Variants in XDH observed in about 807,000 individuals in gnomAD.
XDH encodes xanthine dehydrogenase, also known as xanthine dehydrogenase/oxidase.
Under a neutral mutation model 156.1 loss-of-function variants are expected in XDH, and 138 were observed. The ratio of observed to expected loss-of-function variants is 0.88; its 90% CI spans 0.77 to 1.02. The LOEUF is 1.02. Among genes scored for constraint, XDH ranks in the 50% least tolerant of loss-of-function variants. The pLI, the probability that XDH is intolerant of heterozygous loss-of-function variation, is 0.00. For missense variants in XDH, 1,849 were observed against 1,684.9 expected (o/e 1.10, Z -1.71); for synonymous variants, 669 against 625.7 (o/e 1.07, Z -1.03).
intron 3 of XDH, among the ~76,000 whole-genome samples, chr2:31,401,629 C>T (rs762035028): frequency 6.6e-6 from 1 of 152,240 alleles, no homozygotes; most frequent in African/African-American, 2.4e-5. Flanking sequence ...TCACCTCTTA[C>T]TCAGCCTGAC....
chr2:31,377,190 G>A lies in XDH; in HGVS notation c.1290C>T (p.Asp430=), dbSNP rs566687319. The A allele has an allele frequency of 6.2e-7, 1 of 1,614,014 alleles. No individual in the cohort carries two copies. The highest frequency in any genetic ancestry group is 8.5e-7 in the Non-Finnish European group (1 of 1,180,034). The part of the protein sequence containing the change: ...AFKQASRRED[D]IAKVTSGMRV... ...TCATGCCACTGGTTACCTTGGCAAT[G>A]TCATCTTCTCTCCGGGAGGCCTGCT... Residue 430 remains aspartate, a synonymous_variant, in exon 14 of 36, where the codon GAC becomes GAT. Transcript: ENST00000379416.
chr2:31,414,594 G>A, intron 1 of XDH, 31 bp downstream of exon 1: 1 of 1,613,912 alleles, frequency 6.2e-7, no homozygotes, highest in Non-Finnish European at 8.5e-7. Flanking sequence ...AGGGAGAAGG[G>A]ACACAAAACC....
chr2:31,352,504 T>G (rs909967279), intron 24 of XDH, among the ~76,000 whole-genome samples: 9 of 152,242 alleles, frequency 5.9e-5, no homozygotes, highest in Non-Finnish European at 8.8e-5. Flanking sequence ...TCCCTAGTAC[T>G]TTATCAACTT....
chr2:31,407,817 G>C (rs954195643), intron 1 of XDH, among the ~76,000 whole-genome samples: 1 of 152,152 alleles, frequency 6.6e-6, no homozygotes, highest in African/African-American at 2.4e-5. Flanking sequence ...TTTGAATAAA[G>C]TTTAAAGGAA....
rs1685058247 is a variant in XDH at position 31,339,361 on chromosome 2, A to G, written c.3774+128T>C. 6.1e-6 allele frequency: 8 copies of G among 1,321,754 alleles called. No homozygotes were observed. The South Asian group carries it at 8.4e-5, about 14-fold the overall frequency. 81.9% of individuals were successfully genotyped at this position (1,321,754 alleles called of 1,614,324 possible). ...CTGCCCCTACCAAGGTCAGTGTCAAACCATCTTCCCTCCTCAAGATATGCC... is the reference window on the plus strand; with the variant it reads ...CTGCCCCTACCAAGGTCAGTGTCAAGCCATCTTCCCTCCTCAAGATATGCC... On this transcript the variant is annotated intron_variant, in intron 34 of 35. Transcript: ENST00000379416.
At chr2:31,375,750 A>G (rs1265004143) in intron 14 of XDH, among the ~76,000 whole-genome samples, 196 bp from the exon 15 acceptor site, 3 of 152,212 alleles carry the variant, frequency 2.0e-5, no homozygotes, top group Non-Finnish European at 2.9e-5. Flanking sequence ...AATAGATACA[A>G]TTTTAAAAGA....
chr2:31,362,767 G>T (rs972943388), intron 24 of XDH, among the ~76,000 whole-genome samples: 1 of 152,164 alleles, frequency 6.6e-6, no homozygotes, highest in African/African-American at 2.4e-5. Flanking sequence ...ATGAAAATGC[G>T]ATCATTTCTT....
chr2:31,379,970 C>T lies in XDH; in HGVS notation c.1139G>A (p.Arg380Lys). The T allele has an allele frequency of 1.2e-6, 2 of 1,613,968 alleles. No individual in the cohort carries two copies. The highest frequency in any genetic ancestry group is 1.7e-6 in the Non-Finnish European group (2 of 1,180,032). ...AKLTLVSRGT[R>K]RTVQMDHTFF... ...GGTGTGGTCCATCTGGACAGTTCTCCTGGTGCCTGTACAGAAGCAAGATGA... is the reference window on the plus strand; with the variant it reads ...GGTGTGGTCCATCTGGACAGTTCTCTTGGTGCCTGTACAGAAGCAAGATGA... The change falls in exon 13 of 36, where the codon AGG becomes AAG. Residue 380 changes from arginine (R) to lysine (K), a missense_variant. Arg to Lys is a conservative substitution (Grantham distance 26). Coordinates refer to ENST00000379416, the MANE Select transcript of XDH (RefSeq NM_000379.4).
chr2:31,365,889 AG>A (rs1205250128), intron 22 of XDH, 86 bp downstream of exon 22: 4 of 1,599,002 alleles, frequency 2.5e-6, no homozygotes, highest in Non-Finnish European at 3.4e-6. Context: ...TAATTCTAAC[AG>A]GGGGAAGTCC....
intron 1 of XDH, among the ~76,000 whole-genome samples, chr2:31,414,389 T>C (rs1181631171): frequency 5.9e-5 from 9 of 151,844 alleles, no homozygotes; most frequent in Non-Finnish European, 1.0e-4. Flanking sequence ...GCCTCTCTGC[T>C]TGCCTCTCTC....
intron 13 of XDH, among the ~76,000 whole-genome samples, chr2:31,379,068 ACTCT>A (rs1434081378): frequency 1.3e-5 from 2 of 151,764 alleles, no homozygotes; most frequent in African/African-American, 2.4e-5. Context: ...AAACCTTCAC[ACTCT>A]CTCTGACAGT....
chr2:31,363,109 C>T (rs925076199), intron 24 of XDH, among the ~76,000 whole-genome samples: 10 of 151,986 alleles, frequency 6.6e-5, no homozygotes, highest in Admixed American at 2.0e-4. Flanking sequence ...GTCAGGAGTT[C>T]GAGACCAGCC....
intron 9 of XDH, among the ~76,000 whole-genome samples, chr2:31,384,925 T>A (rs1431809758): frequency 3.3e-5 from 5 of 152,076 alleles, no homozygotes; most frequent in African/African-American, 9.7e-5. Flanking sequence ...GCTATTGGGG[T>A]ATGTATAAGA....
Position 31,348,307 on chromosome 2 carries a change from C to G in XDH, c.3108G>C (p.Gly1036=). The G allele has an allele frequency of 3.1e-6, 5 of 1,614,062 alleles. No homozygotes were observed. The South Asian group carries it at 3.3e-5, about 11-fold the overall frequency. Residue 1036 remains glycine, a synonymous_variant, in exon 28 of 36, where the codon GGG becomes GGC. Coordinates refer to ENST00000379416, the MANE Select transcript of XDH (RefSeq NM_000379.4). ...TATGAAGGCCTTGGCCCATCTCAGT[C>G]CCCCCGTGGGTCAGCAGCACAGAGC... ...TDGSVLLTHG[G]TEMGQGLHTK...
At chr2:31,361,779 G>A (rs1221618882) in intron 24 of XDH, among the ~76,000 whole-genome samples, 1 of 152,132 alleles carries the variant, frequency 6.6e-6, no homozygotes, top group Admixed American at 6.5e-5. Flanking sequence ...TCCTCAATAT[G>A]TTTTGAGGTA....
At chr2:31,394,775 A>G (rs1686858422) in intron 6 of XDH, among the ~76,000 whole-genome samples, 1 of 151,968 alleles carries the variant, frequency 6.6e-6, no homozygotes, top group African/African-American at 2.4e-5. Context: ...TTGCATTGTC[A>G]TATCCTCAAG....
Position 31,375,503 on chromosome 2 carries a change from C to G in XDH, c.1479G>C (p.Glu493Asp). ...CAGGGGCATCGGGAGGCAGATGCAGCTCCTCTGCCAGTCCTGCACACACGT... is the reference window on the plus strand; with the variant it reads ...CAGGGGCATCGGGAGGCAGATGCAGGTCCTCTGCCAGTCCTGCACACACGT... ...LQDVCAGLAEELHLPPDAPGG... is the reference protein window; with the variant it reads ...LQDVCAGLAEDLHLPPDAPGG... The change falls in exon 15 of 36, where the codon GAG becomes GAC. Residue 493 changes from glutamate to aspartate, a missense_variant. By Grantham distance (45) the Glu-to-Asp change is conservative. Coordinates refer to ENST00000379416, the MANE Select transcript of XDH (RefSeq NM_000379.4). 6.2e-7 allele frequency: 1 copy of G among 1,614,098 alleles called. No individual in the cohort carries two copies. Among genetic ancestry groups the G allele is most frequent in the Non-Finnish European group, 8.5e-7 (1 of 1,180,030 alleles).
rs771331558 is a variant in XDH at position 31,381,646 on chromosome 2, T to G, written c.1119A>C (p.Thr373=). Residue 373 remains threonine (T), a synonymous_variant, in exon 12 of 36, where the codon ACA becomes ACC. Coordinates refer to ENST00000379416, the MANE Select transcript of XDH (RefSeq NM_000379.4). ...CAGGCAGCTCACCTCTGGACACAAGTGTCAGCTTGGCCCCACTGGCCATGA... is the reference window on the plus strand; with the variant it reads ...CAGGCAGCTCACCTCTGGACACAAGGGTCAGCTTGGCCCCACTGGCCATGA... ...PVFMASGAKL[T]LVSRGTRRTV... The G allele has an allele frequency of 1.2e-5, 20 of 1,614,082 alleles. 1 individual carries two copies. The South Asian group carries it at 2.2e-4, about 18-fold the overall frequency.
At chr2:31,374,136 A>C (rs936015527) in intron 15 of XDH, among the ~76,000 whole-genome samples, 180 bp from the exon 16 acceptor site, 2 of 152,208 alleles carry the variant, frequency 1.3e-5, no homozygotes, top group African/African-American at 4.8e-5. Flanking sequence ...CTCAGAATTT[A>C]AGAGCAGCCT....
Sources: gnomAD v4.1 joint callset for allele counts (sites outside exome capture counted in the v4.1 genomes callset) on GRCh38, gnomAD v4.1.1 for gene constraint, MANE v1.5 for transcripts, NCBI Gene and HGNC (gene_info 2026-07-23, HGNC 2026-07-21) for gene names.